CFAP47: variants seen among roughly 807,000 people sequenced by gnomAD.
CFAP47 encodes the protein cilia- and flagella-associated protein 47.
In CFAP47, 29 loss-of-function variants were observed where a neutral mutation model predicts 148.1. The ratio of observed to expected loss-of-function variants is 0.20; its 90% CI spans 0.15 to 0.27. The LOEUF (loss-of-function observed/expected upper bound fraction) is 0.27, where lower values mean the gene tolerates loss of function less well. CFAP47 is among the 10% of genes least tolerant of loss of function. The pLI is 1.00. For synonymous variants in CFAP47, 664 were observed against 577.3 expected (o/e 1.15, Z -2.15); for missense variants, 1,872 against 1,697.5 (o/e 1.10, Z -1.81).
chrX:36,342,541 A>G (rs1941662481), intron 57 of CFAP47, among the ~76,000 whole-genome samples: 1 of 112,095 alleles, frequency 8.9e-6, no homozygotes, highest in African/African-American at 3.2e-5. Flanking sequence ...GCAAACTTCT[A>G]GGAAATCCTG....
At chrX:36,110,571 G>A (rs1024386900) in intron 33 of CFAP47, among the ~76,000 whole-genome samples, 1 of 111,619 alleles carries the variant, frequency 9.0e-6, no homozygotes, top group African/African-American at 3.3e-5. Flanking sequence ...TTTTTGTTTA[G>A]GATTGCCTTG....
At chrX:35,992,001 T>C (rs973134490) in intron 17 of CFAP47, 58 bp downstream of exon 17, 19 of 285,223 alleles carry the variant, frequency 6.7e-5, no homozygotes, top group African/African-American at 5.3e-4. Context: ...CATAATGCTG[T>C]GAAGTTAATA....
intron 15 of CFAP47, among the ~76,000 whole-genome samples, chrX:35,976,141 CAG>C (rs1411260959): frequency 4.6e-5 from 5 of 109,131 alleles, no homozygotes; most frequent in Admixed American, 9.8e-5. Context: ...GAGAGAGAGA[CAG>C]AGAGAGAGAG....
At position 36,041,179 on chromosome X, in the gene CFAP47, C is replaced by T. The variant is rs181312584; in HGVS notation, c.4007+2000C>T. Among the ~76,000 whole-genome samples the T allele has an allele frequency of 2.2e-3, 249 of 110,714 alleles. 2 individuals carry two copies. Among genetic ancestry groups the T allele is most frequent in the Admixed American group, 5.4e-3 (56 of 10,350 alleles). ...TATAAAAATATATACAAAACAGAAA[C>T]TCAGTGGAACCAAGTTTCTTCTTTG... On this transcript the variant is annotated intron_variant, in intron 25 of 63. Transcript: ENST00000378653.
chrX:36,143,605 C>A (rs1939181050), intron 35 of CFAP47, among the ~76,000 whole-genome samples: 1 of 111,611 alleles, frequency 9.0e-6, no homozygotes, highest in Non-Finnish European at 1.9e-5. Flanking sequence ...TCAAATCCCT[C>A]ACACCAACCC....
chrX:35,949,140 A>AGTGTGTGTGTGTGTGT (rs201452327), intron 4 of CFAP47, among the ~76,000 whole-genome samples: 18 of 86,976 alleles, frequency 2.1e-4, no homozygotes, highest in African/African-American at 6.5e-4. Context: ...GCATCTGTGG[A>AGTGTGTGTGTGTGTGT]GTGTGTGTGT....
intron 45 of CFAP47, among the ~76,000 whole-genome samples, chrX:36,207,177 A>C (rs988387117): frequency 2.7e-5 from 3 of 112,481 alleles, no homozygotes; most frequent in Admixed American, 9.5e-5. Context: ...ATGCAATTCT[A>C]TTAGAATTTG....
intron 46 of CFAP47, 43 bp downstream of exon 46, chrX:36,228,867 C>T (rs1259992681): frequency 2.6e-5 from 13 of 495,109 alleles, no homozygotes; most frequent in Non-Finnish European, 4.0e-5. Context: ...TTCATATTGC[C>T]ACTGTGTCAA....
intron 33 of CFAP47, among the ~76,000 whole-genome samples, chrX:36,134,664 C>T (rs1280669937): frequency 9.0e-6 from 1 of 111,274 alleles, no homozygotes; most frequent in Non-Finnish European, 1.9e-5. Context: ...TGTAAACCCA[C>T]ACAACTTTTA....
chrX:36,178,544 C>T (rs993390397), intron 39 of CFAP47, among the ~76,000 whole-genome samples: 2 of 110,922 alleles, frequency 1.8e-5, no homozygotes, highest in East Asian at 5.7e-4. Context: ...TCTCAAAAAG[C>T]TAGCATTTTG....
chrX:35,995,151 G>C (rs776869692), intron 18 of CFAP47, among the ~76,000 whole-genome samples: 1 of 111,073 alleles, frequency 9.0e-6, no homozygotes, highest in Non-Finnish European at 1.9e-5. Context: ...GGGGAGAGGA[G>C]GAAAGGTTAT....
intron 22 of CFAP47, among the ~76,000 whole-genome samples, chrX:36,015,193 A>G (rs1316381126): frequency 9.1e-6 from 1 of 110,297 alleles, no homozygotes; most frequent in Non-Finnish European, 1.9e-5. Context: ...TCAATTTTAA[A>G]TAATTAAGAC....
rs1420273343 is a variant in CFAP47 at position 36,301,162 on chromosome X, A to G, written c.7953A>G (p.Ile2651Met). 3.5e-6 allele frequency: 4 copies of G among 1,135,935 alleles called. No homozygotes were observed. The East Asian group carries it at 1.3e-4, about 37-fold the overall frequency. The allele number at this position is 1,135,935 out of a possible 1,213,427, so 93.6% of individuals were successfully genotyped here. ...CAAAACCAACCACAATGCCAGAAAT[A>G]CAGTGCGACCTTGGCAAGTAAGTTC... is the stretch of plus-strand genomic sequence containing the variant. Reference protein sequence around the residue: ...ELPKPTTMPEIQCDLGKHVTQ... With the variant: ...ELPKPTTMPEMQCDLGKHVTQ... Residue 2651 changes from isoleucine to methionine, a missense_variant, in exon 53 of 64, where the codon ATA becomes ATG. Ile to Met is a conservative substitution (Grantham distance 10). Coordinates refer to ENST00000378653, the MANE Select transcript of CFAP47 (RefSeq NM_001304548.2).
intron 40 of CFAP47, among the ~76,000 whole-genome samples, chrX:36,181,708 A>T (rs928306037): frequency 1.2e-4 from 13 of 112,256 alleles, no homozygotes; most frequent in African/African-American, 3.9e-4. Flanking sequence ...AGTCAGGCTC[A>T]TGCAGATTAA....
chrX:35,978,783 G>T (rs777698917), intron 15 of CFAP47, among the ~76,000 whole-genome samples: 3 of 110,870 alleles, frequency 2.7e-5, no homozygotes, highest in Non-Finnish European at 3.8e-5. Flanking sequence ...TATTTTTCTT[G>T]TGCTGTATCA....
At chrX:36,299,903 G>T (rs1479116327) in intron 52 of CFAP47, among the ~76,000 whole-genome samples, 1 of 111,485 alleles carries the variant, frequency 9.0e-6, no homozygotes, top group Non-Finnish European at 1.9e-5. Flanking sequence ...AAATTTTAAA[G>T]GACAAAAATT....
At chrX:36,344,878 C>G (rs1242018448) in intron 57 of CFAP47, among the ~76,000 whole-genome samples, 3 of 111,736 alleles carry the variant, frequency 2.7e-5, no homozygotes, top group African/African-American at 9.8e-5. Context: ...AATGAAATCT[C>G]CATAAACTAT....
chrX:36,073,276 A>C lies in CFAP47; in HGVS notation c.4603A>C (p.Lys1535Gln), dbSNP rs374771423. The change falls in exon 29 of 64, where the codon AAG (lysine) becomes CAG (glutamine). Residue 1535 changes from lysine (K) to glutamine (Q), a missense_variant. Transcript: ENST00000378653. ...EGTKAHYFFE[K>Q]VVNAAQTWFS... ...AACAAAGGCACACTACTTTTTTGAGAAGGTTGTAAATGCAGCACAGACCTG... is the reference window on the plus strand; with the variant it reads ...AACAAAGGCACACTACTTTTTTGAGCAGGTTGTAAATGCAGCACAGACCTG... The C allele has an allele frequency of 1.3e-5, 16 of 1,208,202 alleles. No homozygotes were observed. In the African/African-American group the frequency reaches 2.1e-4, roughly 16 times the overall value.
At chrX:36,012,320 A>T (rs1224260592) in intron 21 of CFAP47, among the ~76,000 whole-genome samples, 1 of 111,819 alleles carries the variant, frequency 8.9e-6, no homozygotes, top group African/African-American at 3.3e-5. Context: ...TACTGGGCAT[A>T]TACCCAAAGG....
Sources: gnomAD v4.1 joint callset for allele counts (sites outside exome capture counted in the v4.1 genomes callset) on GRCh38, gnomAD v4.1.1 for gene constraint, MANE v1.5 for transcripts, NCBI Gene and HGNC (gene_info 2026-07-23, HGNC 2026-07-21) for gene names.